The following IARS1 variants were observed in gnomAD, a reference collection of about 807,000 sequenced individuals.
The protein encoded by IARS1 is isoleucyl-tRNA synthetase 1, also known as isoleucine--tRNA ligase, cytoplasmic.
Under a neutral mutation model 168.2 loss-of-function variants are expected in IARS1, and 124 were observed. The observed-to-expected ratio is 0.74, with a 90% CI of 0.64 to 0.86. The LOEUF (loss-of-function observed/expected upper bound fraction) is 0.86, where lower values mean the gene tolerates loss of function less well. Among genes scored for constraint, IARS1 ranks in the 40% least tolerant of loss-of-function variants. IARS1 has a pLI of 0.00. For synonymous variants in IARS1, 532 were observed against 529.4 expected (o/e 1.00, Z -0.07); for missense variants, 1,452 against 1,515.8 (o/e 0.96, Z 0.70).
chr9:92,240,562 T>G, intron 30 of IARS1: 2 of 353,108 alleles, frequency 5.7e-6, no homozygotes, highest in Non-Finnish European at 1.1e-5. Context: ...GCCTGGCCCT[T>G]TTTTTTTTTT....
chr9:92,224,857 T>TA (rs879385395), intron 31 of IARS1, among the ~76,000 whole-genome samples: 25 of 81,038 alleles, frequency 3.1e-4, no homozygotes, highest in Non-Finnish European at 4.9e-4. Flanking sequence ...AAAAAATAAA[T>TA]AATAATAATC....
Position 92,291,690 on chromosome 9 carries a change from T to C in IARS1, c.-8+1921A>G, listed in dbSNP as rs1004649946. The stretch of plus-strand genomic sequence containing the variant: ...TACTGATTTATTTAGGTTCATTGTG[T>C]ACCTTATCAGAGGCCAACTGAAACT... On this transcript the variant is annotated intron_variant, in intron 1 of 33. Coordinates refer to ENST00000443024, the MANE Select transcript of IARS1 (RefSeq NM_002161.6). Among the ~76,000 whole-genome samples the C allele has an allele frequency of 2.0e-5, 3 of 152,250 alleles. 1 individual carries two copies. Among genetic ancestry groups the C allele is most frequent in the Admixed American group, 2.0e-4 (3 of 15,286 alleles).
chr9:92,274,556 AC>A, intron 9 of IARS1, 35 bp from the exon 10 acceptor site: 1 of 1,439,602 alleles, frequency 6.9e-7, no homozygotes, highest in East Asian at 2.3e-5. Flanking sequence ...CAGGGATGAA[AC>A]ATTACTGTGT....
rs1419541481 is a variant in IARS1 at position 92,250,831 on chromosome 9, G to T, written c.2311C>A (p.Pro771Thr). ...VLLSLCRLMA[P>T]YTPFLTELMY... The stretch of plus-strand genomic sequence containing the variant: ...AATTCAGTGAGAAAAGGTGTGTAGG[G>T]AGCCTGTATGAAGACACAGGACATC... The change falls in exon 23 of 34, where the codon CCC becomes ACC. Residue 771 changes from proline to threonine, a missense_variant. Transcript: ENST00000443024. The T allele has an allele frequency of 1.9e-6, 3 of 1,603,244 alleles. No homozygotes were observed. The South Asian group carries it at 3.4e-5, about 18-fold the overall frequency.
chr9:92,273,145 A>C (rs985252158), intron 10 of IARS1, among the ~76,000 whole-genome samples: 2 of 151,606 alleles, frequency 1.3e-5, no homozygotes, highest in Non-Finnish European at 2.9e-5. Context: ...AAAAAAAAAA[A>C]AAAACCCCTA....
chr9:92,293,376 C>T (rs1836701443), intron 1 of IARS1: 3 of 450,450 alleles, frequency 6.7e-6, no homozygotes, highest in Admixed American at 4.9e-5. Flanking sequence ...TACATAAAGT[C>T]ACAGCTATAT....
intron 14 of IARS1, 138 bp downstream of exon 14, chr9:92,268,036 G>C (rs1176763695): frequency 4.4e-6 from 4 of 910,568 alleles, no homozygotes; most frequent in Non-Finnish European, 4.8e-6. Context: ...CATGATTCTA[G>C]AAAGGAATAA....
intron 30 of IARS1, 106 bp downstream of exon 30, chr9:92,240,750 A>G (rs1828265594): frequency 2.7e-6 from 2 of 732,216 alleles, no homozygotes; most frequent in Non-Finnish European, 5.0e-6. Context: ...TGATTAAATA[A>G]TTATTCCAAT....
intron 5 of IARS1, 59 bp from the exon 6 acceptor site, chr9:92,285,898 C>A: frequency 1.1e-6 from 1 of 936,332 alleles, no homozygotes; most frequent in Admixed American, 2.0e-5. Flanking sequence ...AAAATGCAAA[C>A]ATTTATGCCA....
At chr9:92,245,156 T>A in intron 26 of IARS1, 85 bp from the exon 27 acceptor site, 1 of 1,062,344 alleles carries the variant, frequency 9.4e-7, no homozygotes, top group Non-Finnish European at 1.5e-6. Flanking sequence ...CCTTCTTGAT[T>A]AAAATTTCAC....
chr9:92,271,276 C>T (rs1832989634), intron 11 of IARS1, among the ~76,000 whole-genome samples, 200 bp from the exon 12 acceptor site: 1 of 152,168 alleles, frequency 6.6e-6, no homozygotes, highest in Admixed American at 6.5e-5. Context: ...TCTGAAATGA[C>T]AACCCCAAGG....
At chr9:92,252,192 T>A (rs1830096222) in intron 21 of IARS1, among the ~76,000 whole-genome samples, 1 of 152,152 alleles carries the variant, frequency 6.6e-6, no homozygotes, top group East Asian at 1.9e-4. Context: ...GAAGGTAGAA[T>A]GGATCTACCC....
At chr9:92,211,356 T>C (rs923905391) in intron 33 of IARS1, among the ~76,000 whole-genome samples, 2 of 148,192 alleles carry the variant, frequency 1.3e-5, no homozygotes, top group African/African-American at 2.5e-5. Context: ...AGGGTCTCTC[T>C]CTCTCTCTCA....
Position 92,269,877 on chromosome 9 carries a change from C to T in IARS1, c.1304+8G>A. 8.8e-6 allele frequency: 14 copies of T among 1,589,590 alleles called. No homozygotes were observed. The highest frequency in any genetic ancestry group is 1.1e-5 in the Non-Finnish European group (13 of 1,157,910). ...AGACACTATGAAGAAACACATCTTACTGCTCACCAGTAGCACAGGTCATTG... is the reference window on the plus strand; with the variant it reads ...AGACACTATGAAGAAACACATCTTATTGCTCACCAGTAGCACAGGTCATTG... On this transcript the variant is annotated splice_region_variant and intron_variant, in intron 13 of 33. Transcript: ENST00000443024.
At chr9:92,213,122 C>T (rs1312378011) in intron 33 of IARS1, among the ~76,000 whole-genome samples, 1 of 151,200 alleles carries the variant, frequency 6.6e-6, no homozygotes, top group African/African-American at 2.4e-5. Flanking sequence ...CGATATGCAA[C>T]TAAATTTAAA....
At chr9:92,289,161 T>C in intron 2 of IARS1, 140 bp downstream of exon 2, 1 of 500,030 alleles carries the variant, frequency 2.0e-6, no homozygotes, top group Non-Finnish European at 3.6e-6. Context: ...GAGCAGAGAT[T>C]GCACCACTGC....
chr9:92,277,330 C>A (rs1833904047), intron 9 of IARS1, among the ~76,000 whole-genome samples: 1 of 152,028 alleles, frequency 6.6e-6, no homozygotes. Flanking sequence ...GAGGCTGAGG[C>A]AGGAGAATTG....
Position 92,217,954 on chromosome 9 carries a change from A to G in IARS1, c.3706+4566T>C, listed in dbSNP as rs375716324. 2.0e-4 allele frequency among the ~76,000 whole-genome samples: 31 copies of G among 152,188 alleles called. No individual in the cohort carries two copies. The South Asian group carries it at 2.9e-3, about 14-fold the overall frequency. ...CCAGCATCATTCTGATACCAAAGCCAGGCAGAGACACAACCAAAAAAGAGA... is the reference window on the plus strand; with the variant it reads ...CCAGCATCATTCTGATACCAAAGCCGGGCAGAGACACAACCAAAAAAGAGA... On this transcript the variant is annotated intron_variant, in intron 33 of 33. Transcript: ENST00000443024.
chr9:92,275,887 A>C (rs1833713076), intron 9 of IARS1, among the ~76,000 whole-genome samples: 1 of 152,236 alleles, frequency 6.6e-6, no homozygotes, highest in Non-Finnish European at 1.5e-5. Context: ...GTAGTTTAAG[A>C]AGCTTATTTA....
Sources: gnomAD v4.1 joint callset for allele counts (sites outside exome capture counted in the v4.1 genomes callset) on GRCh38, gnomAD v4.1.1 for gene constraint, MANE v1.5 for transcripts, NCBI Gene and HGNC (gene_info 2026-07-23, HGNC 2026-07-21) for gene names.